NLRP4: variants seen among roughly 807,000 people sequenced by gnomAD.
NLRP4 encodes NLR family pyrin domain containing 4.
In NLRP4, 44 loss-of-function variants were observed where a neutral mutation model predicts 84.7. The ratio of observed to expected loss-of-function variants is 0.52; its 90% CI spans 0.41 to 0.67. NLRP4 has a LOEUF of 0.67. Among genes scored for constraint, NLRP4 ranks in the 30% least tolerant of loss-of-function variants. The pLI is 0.00. For synonymous variants in NLRP4, 544 were observed against 476.4 expected, an observed-to-expected ratio of 1.14 and a Z score of -1.85; for missense variants, 1,260 against 1,219.4, an observed-to-expected ratio of 1.03 and a Z score of -0.50.
In NLRP4 at chr19:55,877,185, C is replaced by G. The variant is rs1317588528; in HGVS notation, c.2696+19C>G. 1 of 1,609,996 alleles carries G rather than the reference C, an allele frequency of 6.2e-7. No homozygotes were observed. The highest frequency in any genetic ancestry group is 1.1e-5 in the South Asian group (1 of 90,844). On this transcript the variant is annotated intron_variant, in intron 8 of 9. Coordinates refer to ENST00000301295, the MANE Select transcript of NLRP4 (RefSeq NM_134444.5). ...TTCTTGGGTGGGTATCGCCAAGCTC[C>G]TGGTTATGTTTTCATGAGTGGCAAA...
rs201242085 is a variant in NLRP4, at chr19:55,858,724, G to A, written c.1331G>A (p.Arg444His). The change falls in exon 3 of 10, where the codon CGT (arginine) becomes CAT (histidine). Residue 444 changes from arginine to histidine, a missense_variant. Transcript: ENST00000301295. This position sits in a 1 kb window ranked among gnomAD's most constrained non-coding sequence, Gnocchi z 4.2. The stretch of plus-strand genomic sequence containing the variant: ...AAGATACTTCTGAAGTACGGGGAGC[G>A]TGAGAGCTCCTACGTGTTCCTCCAC... Reference protein sequence around the residue: ...GTKILLKYGERESSYVFLHVC... With the variant: ...GTKILLKYGEHESSYVFLHVC... 2.1e-4 allele frequency: 344 copies of A among 1,614,050 alleles called. 3 individuals are homozygous for A. In the South Asian group the frequency reaches 3.3e-3, roughly 16 times the overall value.
At chr19:55,849,175 ATTC>A (rs772838234) in intron 1 of NLRP4, among the ~76,000 whole-genome samples, 16 of 152,268 alleles carry the variant, frequency 1.1e-4, no homozygotes, top group African/African-American at 3.1e-4. Flanking sequence ...GCTACTTGGA[ATTC>A]TTCTTCTTGC....
intron 1 of NLRP4, among the ~76,000 whole-genome samples, chr19:55,848,656 C>G (rs1423444629): frequency 6.6e-6 from 1 of 152,178 alleles, no homozygotes; most frequent in Non-Finnish European, 1.5e-5. Context: ...CCCACCTCGG[C>G]TTCCCAAAGT....
chr19:55,859,661 C>T (rs182647868), intron 3 of NLRP4, among the ~76,000 whole-genome samples: 85 of 152,164 alleles, frequency 5.6e-4, no homozygotes, highest in African/African-American at 1.9e-3. Flanking sequence ...GGTGTGGTGG[C>T]TCATGCCTGT....
At position 55,870,936 on chromosome 19, in the gene NLRP4, G is replaced by A. The variant is rs140263319; in HGVS notation, c.2464G>A (p.Glu822Lys). Residue 822 changes from glutamate to lysine, a missense_variant, in exon 7 of 10, where the codon GAA becomes AAA. Coordinates refer to ENST00000301295, the MANE Select transcript of NLRP4 (RefSeq NM_134444.5). The part of the protein sequence containing the change: ...LDLSANVLKD[E>K]GLKTLCEALK... ...CCTCAGTGCCAATGTCCTGAAGGAC[G>A]AAGGACTGAAAACTCTCTGCGAGGC... is the stretch of plus-strand genomic sequence containing the variant. 2.3e-5 allele frequency: 37 copies of A among 1,614,094 alleles called. No homozygotes were observed. The highest frequency in any genetic ancestry group is 2.2e-4 in the East Asian group (10 of 44,882).
chr19:55,869,435 A>G (rs1985088801), intron 6 of NLRP4, among the ~76,000 whole-genome samples: 1 of 152,104 alleles, frequency 6.6e-6, no homozygotes, highest in Admixed American at 6.6e-5. Context: ...TATGCCAGAA[A>G]ATTGAGATCC....
In NLRP4 at chr19:55,879,788, C is replaced by A. The variant is rs145649800; in HGVS notation, c.2867+824C>A. On this transcript the variant is annotated intron_variant, in intron 9 of 9. Coordinates refer to ENST00000301295, the MANE Select transcript of NLRP4 (RefSeq NM_134444.5). ...AAGCTCTGCTGAGGACTTTTGCCCTCACTATCTGCCTAAATAATTTTTTAC... is the reference window on the plus strand; with the variant it reads ...AAGCTCTGCTGAGGACTTTTGCCCTAACTATCTGCCTAAATAATTTTTTAC... Among the ~76,000 whole-genome samples the A allele has an allele frequency of 1.5e-3, 234 of 152,008 alleles. 1 individual carries two copies. Among genetic ancestry groups the A allele is most frequent in the African/African-American group, 5.3e-3 (220 of 41,412 alleles).
intron 1 of NLRP4, among the ~76,000 whole-genome samples, chr19:55,851,794 C>T (rs184124631): frequency 6.6e-6 from 1 of 152,270 alleles, no homozygotes; most frequent in Non-Finnish European, 1.5e-5. Context: ...GAGGCTATGT[C>T]AGGTGACTAT....
At chr19:55,877,689 G>A (rs1355332318) in intron 8 of NLRP4, among the ~76,000 whole-genome samples, 1 of 152,130 alleles carries the variant, frequency 6.6e-6, no homozygotes, top group Admixed American at 6.6e-5. Context: ...CCATGAGGGA[G>A]AATCTGCTTC....
rs76301355 is a variant in NLRP4 at position 55,840,842 on chromosome 19, A to G, written c.-66+3908A>G. ...CTTGGGGTCTGCTTTTCTGGTATCA[A>G]TATTATGACAACAGATTTTTTTAAA... On this transcript the variant is annotated intron_variant, in intron 1 of 9. Transcript: ENST00000301295. 2.9e-3 allele frequency among the ~76,000 whole-genome samples: 445 copies of G among 152,336 alleles called. 1 individual carries two copies. The highest frequency in any genetic ancestry group is 0.01 in the African/African-American group (435 of 41,584).
rs115130699 is a variant in NLRP4 at position 55,850,093 on chromosome 19, G to A, written c.-65-1923G>A. On this transcript the variant is annotated intron_variant, in intron 1 of 9. Transcript: ENST00000301295. ...TCCGAGACTGCGGTGTAATTTCCGTGGCTGCGGTGTAATTACCGTAGCTGC... is the reference window on the plus strand; with the variant it reads ...TCCGAGACTGCGGTGTAATTTCCGTAGCTGCGGTGTAATTACCGTAGCTGC... 1.2e-3 allele frequency among the ~76,000 whole-genome samples: 118 copies of A among 101,264 alleles called. 16 individuals carry two copies. The highest frequency in any genetic ancestry group is 6.1e-3 in the African/African-American group (89 of 14,590). The allele number at this position is 101,264 out of a possible 152,430, so 66.4% of individuals were successfully genotyped here.
chr19:55,837,665 G>A (rs1473232694), intron 1 of NLRP4, among the ~76,000 whole-genome samples: 1 of 150,602 alleles, frequency 6.6e-6, no homozygotes, highest in African/African-American at 2.4e-5. Flanking sequence ...TAAGGTTGTT[G>A]CAGATGTAAT....
At chr19:55,870,513 A>C in intron 6 of NLRP4, among the ~76,000 whole-genome samples, 1 of 152,180 alleles carries the variant, frequency 6.6e-6, no homozygotes, top group Non-Finnish European at 1.5e-5. Context: ...AAATGCAAAA[A>C]TTAGCGAGAT....
At chr19:55,868,142 G>A (rs910436364) in intron 6 of NLRP4, among the ~76,000 whole-genome samples, 10 of 152,178 alleles carry the variant, frequency 6.6e-5, no homozygotes, top group Non-Finnish European at 1.0e-4. Context: ...TACAGAACAC[G>A]TACTGTGTTT....
chr19:55,851,613 T>TGGCTGCGGTGTAATTCCCGA (rs1568660012), intron 1 of NLRP4, among the ~76,000 whole-genome samples: 23 of 55,396 alleles, frequency 4.2e-4, no homozygotes, highest in South Asian at 1.6e-3. Flanking sequence ...GTAATGTCCG[T>TGGCTGCGGTGTAATTCCCGA]GGCTGCGGTG....
In NLRP4 at chr19:55,850,829, C is replaced by CA. The variant is rs1984086394; in HGVS notation, c.-65-1187_-65-1186insA. ...AATTTCCGAGGCTGCGGTGTAATGT[C>CA]CGAGGCTGCGGTGTAATTTACGAGG... On this transcript the variant is annotated intron_variant, in intron 1 of 9. Transcript: ENST00000301295. Among the ~76,000 whole-genome samples the CA allele has an allele frequency of 9.4e-5, 9 of 95,654 alleles. 1 individual carries two copies. Among genetic ancestry groups the CA allele is most frequent in the Admixed American group, 8.3e-4 (8 of 9,648 alleles). 62.8% of individuals were successfully genotyped at this position (95,654 alleles called of 152,430 possible).
chr19:55,845,013 G>A (rs890570487), intron 1 of NLRP4, among the ~76,000 whole-genome samples: 1 of 152,000 alleles, frequency 6.6e-6, no homozygotes, highest in African/African-American at 2.4e-5. Context: ...TCAGCCTGTG[G>A]CAAGAGGCTA....
intron 1 of NLRP4, among the ~76,000 whole-genome samples, chr19:55,845,390 T>C (rs1983756498): frequency 6.6e-6 from 1 of 151,844 alleles, no homozygotes; most frequent in African/African-American, 2.4e-5. Flanking sequence ...TATTCCATGG[T>C]GTATATGTGC....
intron 2 of NLRP4, among the ~76,000 whole-genome samples, chr19:55,855,896 C>T (rs977585478): frequency 6.6e-6 from 1 of 152,224 alleles, no homozygotes; most frequent in Admixed American, 6.5e-5. Context: ...ATGGGAAGCT[C>T]ACTGTTAGAA....
Sources: allele counts gnomAD v4.1 joint callset (sites outside exome capture counted in the v4.1 genomes callset), GRCh38; gene constraint gnomAD v4.1.1; non-coding constraint Gnocchi (gnomAD v3.1); transcripts MANE v1.5; gene names NCBI Gene and HGNC (gene_info 2026-07-23, HGNC 2026-07-21).